The following TCOF1 variants were observed in gnomAD, a reference collection of about 807,000 sequenced individuals.
TCOF1 encodes the protein treacle ribosome biogenesis factor 1, also known as treacle protein.
Under a neutral mutation model 149.0 loss-of-function variants are expected in TCOF1, and 33 were observed. The ratio of observed to expected loss-of-function variants is 0.22; its 90% CI spans 0.17 to 0.30. The LOEUF (loss-of-function observed/expected upper bound fraction) is 0.30, where lower values mean the gene tolerates loss of function less well. TCOF1 is among the 10% of genes least tolerant of loss of function. The probability of loss-of-function intolerance (pLI) is 1.00; values close to 1 mark genes in which losing one functional copy is unlikely to be tolerated. For missense variants in TCOF1, 1,728 were observed against 1,840.7 expected, an observed-to-expected ratio of 0.94 and a Z score of 1.12; for synonymous variants, 789 against 738.8, an observed-to-expected ratio of 1.07 and a Z score of -1.10.
chr5:150,383,787 A>C, intron 17 of TCOF1: 1 of 1,551,686 alleles, frequency 6.4e-7, no homozygotes, highest in Non-Finnish European at 8.7e-7. Flanking sequence ...ACCCTCTCTC[A>C]AGCACCTGTG....
chr5:150,378,542 A>G, intron 14 of TCOF1: 1 of 303,966 alleles, frequency 3.3e-6, no homozygotes, highest in South Asian at 3.2e-5. Flanking sequence ...ATTTAATGAC[A>G]TTGCCACCTA....
intron 17 of TCOF1, chr5:150,384,263 C>T: frequency 3.0e-6 from 3 of 990,744 alleles, no homozygotes; most frequent in African/African-American, 1.7e-5. Flanking sequence ...ACATCGGTAA[C>T]TCCCTGTATT....
At chr5:150,383,599 G>C (rs1414162644) in intron 17 of TCOF1, 4 of 904,608 alleles carry the variant, frequency 4.4e-6, no homozygotes, top group Non-Finnish European at 5.3e-6. Flanking sequence ...AGGGCAGGGA[G>C]TGTTGCCCCA....
intron 21 of TCOF1, 181 bp downstream of exon 21, chr5:150,392,357 G>C (rs1313063466): frequency 5.9e-6 from 4 of 682,430 alleles, no homozygotes; most frequent in Non-Finnish European, 7.3e-6. Context: ...TGATTTCAGA[G>C]ACCTGACTTT....
At position 150,361,163 on chromosome 5, in the gene TCOF1, T is replaced by C. The variant is rs1396110654; in HGVS notation, c.116T>C (p.Phe39Ser). 2 of 1,614,070 alleles carry C rather than the reference T, an allele frequency of 1.2e-6. No homozygotes were observed. The highest frequency in any genetic ancestry group is 4.5e-5 in the East Asian group (2 of 44,892). Residue 39 changes from phenylalanine (F) to serine (S), a missense_variant, in exon 2 of 27, where the codon TTC becomes TCC. Phe to Ser is a radical substitution (Grantham distance 155, BLOSUM62 -2). This residue lies in a region of TCOF1 where 32 missense variants were observed against 75.3 expected (regional missense o/e 0.43). Coordinates refer to ENST00000643257, the MANE Select transcript of TCOF1 (RefSeq NM_001371623.1). ...EVKEQSGQKC[F>S]LAQPVTLLDI... ...CTCTTTACCTCTCTGCAGAAGTGTT[T>C]CCTGGCTCAGCCCGTAACCCTTCTG...
intron 17 of TCOF1, among the ~76,000 whole-genome samples, chr5:150,381,296 G>A (rs1489508650): frequency 6.6e-6 from 1 of 152,198 alleles, no homozygotes; most frequent in Non-Finnish European, 1.5e-5. Context: ...CTCTGCCTTT[G>A]ATACACCAAA....
intron 4 of TCOF1, chr5:150,368,302 G>A (rs899087688): frequency 2.9e-6 from 1 of 349,938 alleles, no homozygotes; most frequent in Non-Finnish European, 5.3e-6. Flanking sequence ...AACTCTAAAA[G>A]CATTTTCCAA....
At chr5:150,371,961 A>G (rs1393430025) in intron 6 of TCOF1, 45 bp from the exon 7 acceptor site, 1 of 1,556,774 alleles carries the variant, frequency 6.4e-7, no homozygotes, top group African/African-American at 1.4e-5. Flanking sequence ...CTTAGGGGGA[A>G]ACAGTAATTA....
intron 25 of TCOF1, 54 bp downstream of exon 25, chr5:150,398,505 C>G: frequency 6.2e-7 from 1 of 1,612,766 alleles, no homozygotes; most frequent in Non-Finnish European, 8.5e-7. Flanking sequence ...ACCCAAGCCC[C>G]CTCCTACACA....
chr5:150,384,036 G>A, intron 17 of TCOF1: 3 of 1,363,978 alleles, frequency 2.2e-6, no homozygotes, highest in Non-Finnish European at 2.8e-6. Flanking sequence ...CAGAGCACCA[G>A]CTCCCCTGTC....
intron 7 of TCOF1, among the ~76,000 whole-genome samples, chr5:150,373,212 TTG>T (rs113101162): frequency 0.018 from 2,736 of 147,940 alleles, 83 homozygotes; most frequent in African/African-American, 0.062. Context: ...CACACCCAGC[TTG>T]TGTGTGTGTG....
At chr5:150,396,868 C>T in intron 24 of TCOF1, 26 bp downstream of exon 24, 2 of 1,571,812 alleles carry the variant, frequency 1.3e-6, no homozygotes, top group Non-Finnish European at 1.7e-6. Context: ...TCCCAGCCCA[C>T]CCCAAGGGCT....
At position 150,376,111 on chromosome 5, in the gene TCOF1, C is replaced by T. The variant is rs781033363; in HGVS notation, c.1923C>T (p.Thr641=). 37 of 1,614,110 alleles carry T rather than the reference C, an allele frequency of 2.3e-5. No homozygotes were observed. Among genetic ancestry groups the T allele is most frequent in the Admixed American group, 3.3e-5 (2 of 60,014 alleles). Residue 641 remains threonine, a synonymous_variant, in exon 13 of 27, where the codon ACC becomes ACT. Transcript: ENST00000643257. ...QAKPALKIPQ[T]KACPKKTNTT... is the part of the protein sequence containing the mutation. The stretch of plus-strand genomic sequence containing the variant: ...AACCAGCTCTGAAAATTCCTCAGAC[C>T]AAGGCCTGCCCAAAGAAAACCAATA...
rs555824131 is a variant in TCOF1 at position 150,392,022 on chromosome 5, G to C, written c.3363G>C (p.Gly1121=). The C allele has an allele frequency of 6.2e-7, 1 of 1,614,194 alleles. No individual in the cohort carries two copies. Among genetic ancestry groups the C allele is most frequent in the African/African-American group, 1.3e-5 (1 of 75,032 alleles). The change falls in exon 21 of 27, where the codon GGG becomes GGC. Residue 1121 remains glycine, a synonymous_variant. Coordinates refer to ENST00000643257, the MANE Select transcript of TCOF1 (RefSeq NM_001371623.1). Reference sequence around the variant, plus strand: ...AGAGCACCTCCGTCCAGGCCAAAGGGACCAACAAGCTCAGAAAACCTAAGC... The same window carrying C: ...AGAGCACCTCCGTCCAGGCCAAAGGCACCAACAAGCTCAGAAAACCTAAGC... The part of the protein sequence containing the change: ...SPQSTSVQAK[G]TNKLRKPKLP...
chr5:150,383,014 A>C, intron 17 of TCOF1: 1 of 1,441,520 alleles, frequency 6.9e-7, no homozygotes. Flanking sequence ...CCCCTCAGCA[A>C]ATGCCCCACT....
intron 17 of TCOF1, among the ~76,000 whole-genome samples, chr5:150,387,257 G>A (rs1766477659): frequency 6.6e-6 from 1 of 152,240 alleles, no homozygotes; most frequent in Non-Finnish European, 1.5e-5. Flanking sequence ...GTACGGCATT[G>A]AGTTATTAAT....
chr5:150,367,035 G>A (rs1359887983), intron 3 of TCOF1, among the ~76,000 whole-genome samples: 1 of 151,978 alleles, frequency 6.6e-6, no homozygotes, highest in Non-Finnish European at 1.5e-5. Context: ...GCTGGGTGCG[G>A]TGGCTCATGC....
rs1417002525 is a variant in TCOF1, at chr5:150,376,467, G to T, written c.2187G>T (p.Val729=). 2.5e-6 allele frequency: 4 copies of T among 1,614,208 alleles called. No homozygotes were observed. The Admixed American group carries it at 6.7e-5, about 27-fold the overall frequency. ...GCCTCCAGGTGAAAGCAGCCTCAGT[G>T]CCTGTCAAGGGGTCCTTGGGGCAAG... ...GKGLQVKAAS[V]PVKGSLGQGT... The change falls in exon 14 of 27, where the codon GTG becomes GTT. Residue 729 remains valine (V), a synonymous_variant. Transcript: ENST00000643257.
intron 18 of TCOF1, among the ~76,000 whole-genome samples, chr5:150,389,665 A>AC (rs1330480111): frequency 6.6e-6 from 1 of 152,170 alleles, no homozygotes; most frequent in Non-Finnish European, 1.5e-5. Context: ...GCCTGGGGTC[A>AC]CCCCCAGAGC....
Sources: gnomAD v4.1 joint callset for allele counts (sites outside exome capture counted in the v4.1 genomes callset) on GRCh38, gnomAD v4.1.1 for gene constraint, gnomAD v4.1.1 regional missense constraint, MANE v1.5 for transcripts, NCBI Gene and HGNC (gene_info 2026-07-23, HGNC 2026-07-21) for gene names.